ABCC10: variants seen among roughly 807,000 people sequenced by gnomAD.
ABCC10 encodes the protein ATP binding cassette subfamily C member 10.
ABCC10 carries 110 observed loss-of-function variants against 143.2 expected under a neutral mutation model. The observed-to-expected ratio is 0.77, with a 90% CI of 0.66 to 0.90. The LOEUF is 0.90. ABCC10 is among the 40% of genes least tolerant of loss of function. The pLI, the probability that ABCC10 is intolerant of heterozygous loss-of-function variation, is 0.00. For synonymous variants in ABCC10, 805 were observed against 846.7 expected, an observed-to-expected ratio of 0.95 and a Z score of 0.85; for missense variants, 1,700 against 1,900.5, an observed-to-expected ratio of 0.89 and a Z score of 1.96.
rs1023800269 is a variant in ABCC10 at position 43,427,962 on chromosome 6, C to T, written c.-11-6C>T. On this transcript the variant is annotated splice_polypyrimidine_tract_variant and splice_region_variant and intron_variant, in intron 1 of 21. Transcript: ENST00000372530. Reference sequence around the variant, plus strand: ...GCACAGCCGTCACCCTCAACTTTCCCTTCAGGTGAGGCGTCCATGGAACGA... The same window carrying T: ...GCACAGCCGTCACCCTCAACTTTCCTTTCAGGTGAGGCGTCCATGGAACGA... 1.9e-6 allele frequency: 3 copies of T among 1,612,004 alleles called. No homozygotes were observed. Among genetic ancestry groups the T allele is most frequent in the African/African-American group, 2.7e-5 (2 of 74,940 alleles).
rs1780658500 is a variant in ABCC10 at position 43,427,775 on chromosome 6, A to G, written c.-12+18A>G. ...ATGGCAAGGTGGGTGACCAGCGTCC[A>G]GAAATCCACTGGGGAAACCTCCTCC... On this transcript the variant is annotated intron_variant, in intron 1 of 21. Transcript: ENST00000372530. The G allele has an allele frequency of 6.4e-6, 4 of 629,430 alleles. No homozygotes were observed. The East Asian group carries it at 1.1e-4, about 17-fold the overall frequency. 39.0% of individuals were successfully genotyped at this position (629,430 alleles called of 1,614,324 possible).
Position 43,449,530 on chromosome 6 carries a change from C to T in ABCC10, c.4312C>T (p.His1438Tyr). 1 of 1,612,738 alleles carries T rather than the reference C, an allele frequency of 6.2e-7. No homozygotes were observed. The highest frequency in any genetic ancestry group is 1.1e-5 in the South Asian group (1 of 90,956). ...CAACAAGACAGTGCTGACCATTGCC[C>T]ATAGGTATGTAAACGCCTGGTAACA... ...FANKTVLTIA[H>Y]RLNTILNSDR... is the part of the protein sequence containing the mutation. Residue 1438 changes from histidine (H) to tyrosine (Y), a missense_variant, in exon 21 of 22, where the codon CAT (histidine) becomes TAT (tyrosine). His to Tyr is a moderately conservative substitution (Grantham distance 83). Coordinates refer to ENST00000372530, the MANE Select transcript of ABCC10 (RefSeq NM_001198934.2).
chr6:43,444,816 C>T lies in ABCC10; in HGVS notation c.2718C>T (p.Leu906=), dbSNP rs777811380. Residue 906 remains leucine (L), a synonymous_variant, in exon 13 of 22, where the codon CTC becomes CTT. Coordinates refer to ENST00000372530, the MANE Select transcript of ABCC10 (RefSeq NM_001198934.2). ...QATRNAADWW[L]SHWISQLKAE... ...CGCGGAACGCTGCTGACTGGTGGCT[C>T]TCCCACTGGATCTCTCAGCTGAAGG... is the stretch of plus-strand genomic sequence containing the variant. 4.3e-6 allele frequency: 7 copies of T among 1,609,686 alleles called. No homozygotes were observed. The highest frequency in any genetic ancestry group is 5.9e-6 in the Non-Finnish European group (7 of 1,178,142).
intron 15 of ABCC10, 55 bp from the exon 16 acceptor site, chr6:43,446,222 C>G: frequency 6.3e-7 from 1 of 1,575,042 alleles, no homozygotes. Flanking sequence ...GGCCCTGAGG[C>G]TGGGTGGCTC....
rs1782735068 is a variant in ABCC10, at chr6:43,443,862, G to A, written c.2417-71G>A. ...CCTGAGAGGATGAGAGGTGGGATCT[G>A]CACACGCACTGAGAAAGGCATAGTA... On this transcript the variant is annotated intron_variant, in intron 10 of 21. Transcript: ENST00000372530. The surrounding 1 kb of genome is among the most constrained non-coding windows in gnomAD (Gnocchi z 4.2). The A allele has an allele frequency of 1.4e-6, 2 of 1,451,198 alleles. No homozygotes were observed. Among genetic ancestry groups the A allele is most frequent in the Non-Finnish European group, 1.9e-6 (2 of 1,031,930 alleles). 89.9% of individuals were successfully genotyped at this position (1,451,198 alleles called of 1,614,324 possible).
intron 6 of ABCC10, among the ~76,000 whole-genome samples, chr6:43,436,769 CT>C (rs1249004155): frequency 6.6e-6 from 1 of 152,236 alleles, no homozygotes; most frequent in Non-Finnish European, 1.5e-5. Context: ...CTCTCCTGAC[CT>C]TTGTCCAACC....
rs1782518401 is a variant in ABCC10 at position 43,441,957 on chromosome 6, C to T, written c.2223C>T (p.Tyr741=). The T allele has an allele frequency of 1.2e-6, 2 of 1,613,328 alleles. No homozygotes were observed. Among genetic ancestry groups the T allele is most frequent in the Admixed American group, 1.7e-5 (1 of 59,944 alleles). Residue 741 remains tyrosine (Y), a synonymous_variant, in exon 9 of 22, where the codon TAC becomes TAT. Transcript: ENST00000372530. ...GGATTGCCCTTGCTCGTGCTGTCTA[C>T]CAGGTCAGTTAAAGATGGAGGTTGC... The part of the protein sequence containing the change: ...RARIALARAV[Y]QEKELYLLDD...
At chr6:43,440,505 G>A (rs1782279644) in intron 8 of ABCC10, among the ~76,000 whole-genome samples, 1 of 151,552 alleles carries the variant, frequency 6.6e-6, no homozygotes, top group Non-Finnish European at 1.5e-5. Context: ...GCTCATGCCT[G>A]TAATCCTAGC....
In ABCC10 at chr6:43,447,597, T is replaced by C. The variant is rs1581790067; in HGVS notation, c.3706-87T>C. ...CTCTCATTCCTCTCACACTGTCCAT[T>C]TCTCATTATTCTCCCCTCCTCACCA... is the stretch of plus-strand genomic sequence containing the variant. On this transcript the variant is annotated intron_variant, in intron 17 of 21. Coordinates refer to ENST00000372530, the MANE Select transcript of ABCC10 (RefSeq NM_001198934.2). 4.2e-5 allele frequency: 66 copies of C among 1,579,162 alleles called. 1 individual carries two copies. In the South Asian group the frequency reaches 7.6e-4, roughly 18 times the overall value.
At position 43,433,129 on chromosome 6, in the gene ABCC10, A is replaced by T. The variant is rs138435046; in HGVS notation, c.1149A>T (p.Leu383=). The T allele has an allele frequency of 8.1e-6, 13 of 1,613,970 alleles. No individual in the cohort carries two copies. The highest frequency in any genetic ancestry group is 1.3e-5 in the African/African-American group (1 of 74,910). Residue 383 remains leucine, a synonymous_variant, in exon 3 of 22, where the codon CTA becomes CTT. Transcript: ENST00000372530. ...SRPPTGEALN[L]LGTDSERLLN... is the part of the protein sequence containing the mutation. The stretch of plus-strand genomic sequence containing the variant: ...CTCCTACTGGGGAGGCCCTGAACCT[A>T]CTAGGCACTGACTCTGAACGGCTGC...
rs1355699855 is a variant in ABCC10, at chr6:43,447,381, C to T, written c.3678C>T (p.Pro1226=). 6.2e-7 allele frequency: 1 copy of T among 1,613,042 alleles called. No homozygotes were observed. The highest frequency in any genetic ancestry group is 8.5e-7 in the Non-Finnish European group (1 of 1,179,936). ...TGGAAGAGTACACCTGTGACCTGCC[C>T]CAGGAACCCCAGGGCCAGCCACTGC... ...ERLEEYTCDL[P]QEPQGQPLQL... The change falls in exon 17 of 22, where the codon CCC becomes CCT. Residue 1226 remains proline (P), a synonymous_variant. Coordinates refer to ENST00000372530, the MANE Select transcript of ABCC10 (RefSeq NM_001198934.2).
rs1268188090 is a variant in ABCC10, at chr6:43,445,191, C to T, written c.2907C>T (p.Thr969=). 9.9e-6 allele frequency: 16 copies of T among 1,614,102 alleles called. No individual in the cohort carries two copies. Among genetic ancestry groups the T allele is most frequent in the Admixed American group, 3.3e-5 (2 of 60,028 alleles). The part of the protein sequence containing the change: ...NGSSDIRFYL[T]VYATIAGVNS... ...CCTCAGACATCCGTTTCTACCTCAC[C>T]GTGTATGCGACCATTGCTGGTGTAA... Residue 969 remains threonine, a synonymous_variant, in exon 14 of 22, where the codon ACC becomes ACT. Coordinates refer to ENST00000372530, the MANE Select transcript of ABCC10 (RefSeq NM_001198934.2).
chr6:43,438,123 G>A (rs896824864), intron 7 of ABCC10, 110 bp downstream of exon 7: 16 of 1,220,136 alleles, frequency 1.3e-5, no homozygotes, highest in African/African-American at 9.1e-5. Flanking sequence ...GAAGAGCAAC[G>A]CATGGTCCCT....
intron 4 of ABCC10, 83 bp downstream of exon 4, chr6:43,434,931 G>A: frequency 7.1e-7 from 1 of 1,406,166 alleles, no homozygotes; most frequent in South Asian, 1.2e-5. Context: ...AGTGCTGGCT[G>A]AGAAGGAGGG....
chr6:43,447,159 T>A lies in ABCC10; in HGVS notation c.3545-89T>A. 4 of 1,486,218 alleles carry A rather than the reference T, an allele frequency of 2.7e-6. No individual in the cohort carries two copies. In the South Asian group the frequency reaches 3.9e-5, roughly 14 times the overall value. 92.1% of individuals were successfully genotyped at this position (1,486,218 alleles called of 1,614,324 possible). ...CCGCGCCCAGCCTCTGTTGCTTCCTTTAAATGCCAGCAGTCCACAGCCTGG... is the reference window on the plus strand; with the variant it reads ...CCGCGCCCAGCCTCTGTTGCTTCCTATAAATGCCAGCAGTCCACAGCCTGG... On this transcript the variant is annotated intron_variant, in intron 16 of 21. Transcript: ENST00000372530.
In ABCC10 at chr6:43,445,908, C is replaced by T. The variant is rs1783014321; in HGVS notation, c.3340C>T (p.Leu1114Phe). The change falls in exon 15 of 22, where the codon CTC becomes TTC. Residue 1114 changes from leucine (L) to phenylalanine (F), a missense_variant. Physicochemically the swap from Leu to Phe is conservative, Grantham distance 22 (BLOSUM62 0). Transcript: ENST00000372530. ...YSHLADTLAGLSVLRATGATY... is the reference protein window; with the variant it reads ...YSHLADTLAGFSVLRATGATY... ...CCATCTGGCCGATACCTTGGCTGGC[C>T]TCTCTGTGCTCCGGGCCACAGGGGC... 2 of 1,613,246 alleles carry T rather than the reference C, an allele frequency of 1.2e-6. No homozygotes were observed. Among genetic ancestry groups the T allele is most frequent in the Non-Finnish European group, 8.5e-7 (1 of 1,179,434 alleles).
rs1470742996 is a variant in ABCC10 at position 43,450,181 on chromosome 6, C to T, written c.*90C>T. The T allele has an allele frequency of 2.2e-5, 32 of 1,426,770 alleles. No homozygotes were observed. The East Asian group carries it at 6.7e-4, about 30-fold the overall frequency. The allele number at this position is 1,426,770 out of a possible 1,614,324, so 88.4% of individuals were successfully genotyped here. ...GCTGGCTGCTTGTTTACATTCTCCT[C>T]TGGGGCTCTACCTCTCCACACTTCC... On this transcript the variant is annotated 3_prime_UTR_variant, in exon 22 of 22. Transcript: ENST00000372530. The surrounding 1 kb of genome is among the most constrained non-coding windows in gnomAD (Gnocchi z 4.5).
rs1781495628 is a variant in ABCC10, at chr6:43,434,681, C to T, written c.1441C>T (p.Leu481=). ...VIKFCGWEQA[L]GARVEACRAR... ...CAAGTTCTGCGGGTGGGAGCAGGCA[C>T]TGGGAGCCCGAGTAGAGGCCTGCCG... Residue 481 remains leucine, a synonymous_variant, in exon 4 of 22, where the codon CTG becomes TTG. Coordinates refer to ENST00000372530, the MANE Select transcript of ABCC10 (RefSeq NM_001198934.2). The T allele has an allele frequency of 6.2e-7, 1 of 1,614,174 alleles. No homozygotes were observed. The highest frequency in any genetic ancestry group is 2.2e-5 in the East Asian group (1 of 44,880).
At position 43,432,480 on chromosome 6, in the gene ABCC10, G is replaced by T. The variant is rs1455693575; in HGVS notation, c.500G>T (p.Gly167Val). ...ACACTTCTGCCCCCACTTCTCCCAG[G>T]GCCCATGGCCCGCCTATGCTTGCTC... ...RGTLLPPLLP[G>V]PMARLCLLIL... Residue 167 changes from glycine to valine, a missense_variant, in exon 3 of 22, where the codon GGG (glycine) becomes GTG (valine). Coordinates refer to ENST00000372530, the MANE Select transcript of ABCC10 (RefSeq NM_001198934.2). 6.2e-7 allele frequency: 1 copy of T among 1,611,646 alleles called. No homozygotes were observed. Among genetic ancestry groups the T allele is most frequent in the African/African-American group, 1.3e-5 (1 of 74,924 alleles).
Sources: gnomAD v4.1 joint callset for allele counts (sites outside exome capture counted in the v4.1 genomes callset) on GRCh38, gnomAD v4.1.1 for gene constraint, Gnocchi (gnomAD v3.1) non-coding constraint, MANE v1.5 for transcripts, NCBI Gene and HGNC (gene_info 2026-07-23, HGNC 2026-07-21) for gene names.